The following TDRD12 variants were observed in gnomAD, a reference collection of about 807,000 sequenced individuals.
TDRD12 encodes tudor domain containing 12, also known as putative ATP-dependent RNA helicase TDRD12.
A neutral mutation model predicts 133.5 loss-of-function variants in TDRD12; 158 were observed. That is an observed-to-expected ratio of 1.18 (90% CI 1.04 to 1.35). The LOEUF (loss-of-function observed/expected upper bound fraction) is 1.35. Among genes scored for constraint, TDRD12 ranks in the 40% most tolerant of loss-of-function variants. TDRD12 has a pLI of 0.00. For missense variants in TDRD12, 1,443 were observed against 1,321.3 expected, an observed-to-expected ratio of 1.09 and a Z score of -1.43; for synonymous variants, 460 against 477.9, an observed-to-expected ratio of 0.96 and a Z score of 0.49.
chr19:32,812,778 G>T (rs7248798), intron 24 of TDRD12, among the ~76,000 whole-genome samples: 34,610 of 152,106 alleles, frequency 0.23, 4,263 homozygotes, highest in African/African-American at 0.32. Flanking sequence ...GTGCAAGGGG[G>T]ATGGAAACGG....
At chr19:32,794,874 A>G (rs917058002) in intron 14 of TDRD12, 61 bp downstream of exon 14, 1 of 670,384 alleles carries the variant, frequency 1.5e-6, no homozygotes, top group East Asian at 2.7e-5. Context: ...TTAAAATTAT[A>G]CACCTCACCT....
exon 10 of TDRD12, chr19:32,827,619 ATC>A (rs1227973112): frequency 2.6e-5 from 4 of 153,730 alleles, no homozygotes; most frequent in African/African-American, 9.6e-5. Flanking sequence ...ACCTCAGGTA[ATC>A]CTCCCACCTC....
rs570815136 is a variant in TDRD12 at position 32,788,452 on chromosome 19, C to T, written c.1122-2079C>T. On this transcript the variant is annotated intron_variant, in intron 11 of 27. Coordinates refer to ENST00000444215, the Ensembl canonical transcript of TDRD12. ...AATGATTTTACAATTTTGTCCTCTA[C>T]TCATTTTATTGTGTTTTTTATTTCT... Among the ~76,000 whole-genome samples, 6 of 152,280 alleles carry T rather than the reference C, an allele frequency of 3.9e-5. No individual in the cohort carries two copies. In the South Asian group the frequency reaches 1.2e-3, roughly 32 times the overall value.
chr19:32,741,805 T>C (rs1378293058), intron 3 of TDRD12, among the ~76,000 whole-genome samples: 1 of 152,130 alleles, frequency 6.6e-6, no homozygotes, highest in Non-Finnish European at 1.5e-5. Context: ...CCCAGCACTT[T>C]GGAAGGCCAA....
exon 14 of TDRD12, chr19:32,794,776 C>T: frequency 1.4e-6 from 1 of 703,430 alleles, no homozygotes; most frequent in Non-Finnish European, 2.6e-6. Context: ...GTTTTGCAAA[C>T]AGGAGCCTGC....
At chr19:32,742,634 C>T (rs764775928) in intron 3 of TDRD12, 147 bp from the exon 4 acceptor site, 1 of 883,228 alleles carries the variant, frequency 1.1e-6, no homozygotes, top group Non-Finnish European at 1.7e-6. Context: ...TCTCCAAGCA[C>T]TGTTGGTGGC....
exon 3 of TDRD12, chr19:32,738,856 G>A: frequency 6.4e-7 from 1 of 1,550,422 alleles, no homozygotes; most frequent in Non-Finnish European, 8.7e-7. Flanking sequence ...TATTTTGCAG[G>A]TGTGTGTGGT....
Position 32,803,121 on chromosome 19 carries a change from TGAAG to T in TDRD12, c.2533_2536del (p.Lys845LeufsTer40). 1 of 1,519,714 alleles carries T rather than the reference TGAAG, an allele frequency of 6.6e-7. No individual in the cohort carries two copies. Among genetic ancestry groups the T allele is most frequent in the African/African-American group, 1.4e-5 (1 of 71,814 alleles). 94.1% of individuals were successfully genotyped at this position (1,519,714 alleles called of 1,614,324 possible). On this transcript the variant is annotated frameshift_variant, in exon 21 of 28. Coordinates refer to ENST00000444215, the Ensembl canonical transcript of TDRD12. LOFTEE classifies it high-confidence loss of function. ...GCCGGAAGGCCTCTTTGTCCATATC[TGAAG>T]GCTTTTGGTTTTTGCAAGTGAGCCA... is the stretch of plus-strand genomic sequence containing the variant.
At chr19:32,756,117 A>C (rs1402571177) in exon 7 of TDRD12, 11 of 1,478,246 alleles carry the variant, frequency 7.4e-6, no homozygotes, top group Non-Finnish European at 9.8e-6. Flanking sequence ...CCTTCAATAA[A>C]CTCAATCCAG....
chr19:32,753,367 A>G (rs1233788515), intron 6 of TDRD12, among the ~76,000 whole-genome samples: 2 of 151,722 alleles, frequency 1.3e-5, no homozygotes, highest in Non-Finnish European at 2.9e-5. Context: ...TCCTTTCCTT[A>G]TTTATTCATT....
chr19:32,747,098 G>T (rs879782480), intron 4 of TDRD12, among the ~76,000 whole-genome samples: 15 of 151,252 alleles, frequency 9.9e-5, no homozygotes, highest in Non-Finnish European at 1.9e-4. Flanking sequence ...GGCTGATGGG[G>T]TTATTCTGTG....
intron 16 of TDRD12, among the ~76,000 whole-genome samples, chr19:32,799,875 C>T (rs1198243187): frequency 6.6e-6 from 1 of 151,600 alleles, no homozygotes; most frequent in Non-Finnish European, 1.5e-5. Flanking sequence ...GCTGGGATTA[C>T]AGGTGCACAC....
intron 6 of TDRD12, among the ~76,000 whole-genome samples, chr19:32,750,898 CA>C (rs1191921514): frequency 1.3e-5 from 2 of 152,214 alleles, no homozygotes; most frequent in African/African-American, 4.8e-5. Context: ...TGCATCCCAG[CA>C]GGGGTTTATG....
intron 6 of TDRD12, among the ~76,000 whole-genome samples, chr19:32,753,016 T>A (rs1363123669): frequency 3.9e-5 from 6 of 152,050 alleles, no homozygotes; most frequent in African/African-American, 1.4e-4. Flanking sequence ...ATGGTCTCGA[T>A]CTCCTGACCT....
At chr19:32,730,433 G>A (rs562194134) in intron 1 of TDRD12, among the ~76,000 whole-genome samples, 2 of 152,124 alleles carry the variant, frequency 1.3e-5, no homozygotes, top group Admixed American at 6.6e-5. Context: ...GGTTCTGCTT[G>A]CTTTTGGTAG....
intron 4 of TDRD12, among the ~76,000 whole-genome samples, chr19:32,744,499 C>CAAAAAAAAAAAA (rs10644749): frequency 1.1e-4 from 4 of 38,088 alleles, no homozygotes; most frequent in African/African-American, 2.1e-4. Flanking sequence ...GACTCCGTCT[C>CAAAAAAAAAAAA]AAAAAAAAAA....
At chr19:32,811,470 A>T (rs1421709747) in intron 24 of TDRD12, 50 bp downstream of exon 24, 3 of 1,450,196 alleles carry the variant, frequency 2.1e-6, no homozygotes, top group Non-Finnish European at 2.8e-6. Flanking sequence ...AATATATTTA[A>T]CCGAGAATAT....
intron 1 of TDRD12, among the ~76,000 whole-genome samples, chr19:32,725,623 T>C (rs1238241614): frequency 6.6e-6 from 1 of 152,176 alleles, no homozygotes; most frequent in Non-Finnish European, 1.5e-5. Flanking sequence ...TGTAGCCTTG[T>C]AGTATAGTTT....
rs1969470189 is a variant in TDRD12 at position 32,742,763 on chromosome 19, TTC to T, written c.321-16_321-15del. On this transcript the variant is annotated splice_polypyrimidine_tract_variant and intron_variant, in intron 3 of 27. Coordinates refer to ENST00000444215, the Ensembl canonical transcript of TDRD12. ...ATAATTTTCTATATAATGGAGCTGT[TTC>T]TGTTTTACTTTTTAGCATCCGAGTT... 18 of 1,549,462 alleles carry T rather than the reference TTC, an allele frequency of 1.2e-5. No homozygotes were observed. Among genetic ancestry groups the T allele is most frequent in the Non-Finnish European group, 1.6e-5 (18 of 1,146,412 alleles).
Sources: gnomAD v4.1 joint callset for allele counts (sites outside exome capture counted in the v4.1 genomes callset) on GRCh38, gnomAD v4.1.1 for gene constraint, MANE v1.5 for transcripts, NCBI Gene and HGNC (gene_info 2026-07-23, HGNC 2026-07-21) for gene names.